The following CCNB2 variants were observed in gnomAD, a reference collection of about 807,000 sequenced individuals.
The protein encoded by CCNB2 is cyclin B2.
A neutral mutation model predicts 51.1 loss-of-function variants in CCNB2; 39 were observed. The observed-to-expected ratio is 0.76, with a 90% CI of 0.59 to 1.00. The LOEUF (loss-of-function observed/expected upper bound fraction) is 1.00. Ranked by LOEUF, CCNB2 falls within the 50% of genes least tolerant of loss-of-function variation. The probability of loss-of-function intolerance (pLI) is 0.00; values close to 1 mark genes in which losing one functional copy is unlikely to be tolerated. For missense variants in CCNB2, 472 were observed against 470.3 expected (o/e 1.00, Z -0.03); for synonymous variants, 174 against 165.5 (o/e 1.05, Z -0.40).
intron 3 of CCNB2, among the ~76,000 whole-genome samples, chr15:59,109,174 C>T (rs1328639481): frequency 6.6e-6 from 1 of 152,144 alleles, no homozygotes; most frequent in Non-Finnish European, 1.5e-5. Flanking sequence ...TCTCAGCCTC[C>T]CGAGTAGCTG....
intron 7 of CCNB2, among the ~76,000 whole-genome samples, chr15:59,117,883 G>T (rs531077499): frequency 6.6e-6 from 1 of 152,164 alleles, no homozygotes; most frequent in Admixed American, 6.5e-5. Context: ...GATCATTTGA[G>T]CCCAGGCCCA....
At chr15:59,119,312 T>C (rs2079292295) in intron 7 of CCNB2, among the ~76,000 whole-genome samples, 1 of 151,614 alleles carries the variant, frequency 6.6e-6, no homozygotes, top group Non-Finnish European at 1.5e-5. Flanking sequence ...AATTAAAAAA[T>C]TAGCTGGGTA....
At position 59,124,793 on chromosome 15, in the gene CCNB2, C is replaced by G. The variant is rs2079318196; in HGVS notation, c.1113C>G (p.Ser371Arg). ...FIAIKNKYAS[S>R]KLLKISMIPQ... ...CCATCAAGAATAAGTATGCAAGCAGCAAACTCCTGAAGATCAGCATGATCC... is the reference window on the plus strand; with the variant it reads ...CCATCAAGAATAAGTATGCAAGCAGGAAACTCCTGAAGATCAGCATGATCC... Residue 371 changes from serine to arginine, a missense_variant, in exon 9 of 9, where the codon AGC becomes AGG. Physicochemically the swap from Ser to Arg is moderately radical, Grantham distance 110. Transcript: ENST00000288207. The G allele has an allele frequency of 6.2e-7, 1 of 1,613,672 alleles. No homozygotes were observed. Among genetic ancestry groups the G allele is most frequent in the East Asian group, 2.2e-5 (1 of 44,872 alleles).
chr15:59,117,850 T>G (rs1325362639), intron 7 of CCNB2, among the ~76,000 whole-genome samples: 1 of 152,166 alleles, frequency 6.6e-6, no homozygotes, highest in Non-Finnish European at 1.5e-5. Flanking sequence ...TAGTTCTAGC[T>G]ACTTGGGAGG....
chr15:59,118,807 G>A (rs1490355054), intron 7 of CCNB2, among the ~76,000 whole-genome samples: 1 of 152,240 alleles, frequency 6.6e-6, no homozygotes, highest in Non-Finnish European at 1.5e-5. Context: ...TTTTCAGGAG[G>A]ATCACAAAGC....
At chr15:59,109,278 C>T (rs1165680727) in intron 3 of CCNB2, among the ~76,000 whole-genome samples, 2 of 152,138 alleles carry the variant, frequency 1.3e-5, no homozygotes, top group African/African-American at 2.4e-5. Flanking sequence ...CACCTGCCCC[C>T]GCCCCTCAAA....
At chr15:59,114,903 C>G (rs1357167865) in intron 5 of CCNB2, 27 bp downstream of exon 5, 2 of 1,590,520 alleles carry the variant, frequency 1.3e-6, no homozygotes, top group Non-Finnish European at 1.7e-6. Context: ...GGACTTCACG[C>G]CAGTGGCTCA....
chr15:59,123,856 T>G, intron 8 of CCNB2: 1 of 437,950 alleles, frequency 2.3e-6, no homozygotes, highest in African/African-American at 2.0e-5. Flanking sequence ...AGGCTAGCCA[T>G]GTCCAGGCCC....
intron 5 of CCNB2, 120 bp downstream of exon 5, chr15:59,114,996 G>C: frequency 9.2e-7 from 1 of 1,088,988 alleles, no homozygotes; most frequent in Middle Eastern, 3.3e-4. Flanking sequence ...ATTGTGAGAA[G>C]CCAAAGAACT....
intron 7 of CCNB2, among the ~76,000 whole-genome samples, chr15:59,120,162 G>A (rs1172293826): frequency 6.6e-6 from 1 of 152,180 alleles, no homozygotes; most frequent in East Asian, 1.9e-4. Context: ...GTAGTAGTGA[G>A]CATATTTAGT....
At chr15:59,108,800 G>C (rs2079246116) in intron 3 of CCNB2, among the ~76,000 whole-genome samples, 1 of 152,208 alleles carries the variant, frequency 6.6e-6, no homozygotes, top group Non-Finnish European at 1.5e-5. Flanking sequence ...AGATTTGTCA[G>C]CTTTCTTCAC....
At chr15:59,111,120 G>C (rs2079255770) in intron 3 of CCNB2, among the ~76,000 whole-genome samples, 1 of 152,236 alleles carries the variant, frequency 6.6e-6, no homozygotes, top group Non-Finnish European at 1.5e-5. Flanking sequence ...AATTATGTTG[G>C]AGTTCAAAAT....
rs1378432143 is a variant in CCNB2, at chr15:59,107,681, C to G, written c.267+11C>G. 6.2e-7 allele frequency: 1 copy of G among 1,606,278 alleles called. No homozygotes were observed. The highest frequency in any genetic ancestry group is 8.5e-7 in the Non-Finnish European group (1 of 1,173,658). On this transcript the variant is annotated intron_variant, in intron 3 of 8. Transcript: ENST00000288207. ...AAGTTGGCTCCAAAGGTAGGAAGTT[C>G]TGAATTTACAAACGTATTTAATGAG...
chr15:59,119,852 A>G (rs1716227024), intron 7 of CCNB2, among the ~76,000 whole-genome samples: 1 of 152,074 alleles, frequency 6.6e-6, no homozygotes, highest in South Asian at 2.1e-4. Flanking sequence ...GGACCCAGCC[A>G]CACGCCATCA....
intron 3 of CCNB2, among the ~76,000 whole-genome samples, chr15:59,111,067 T>C (rs1235918479): frequency 6.6e-6 from 1 of 152,242 alleles, no homozygotes; most frequent in African/African-American, 2.4e-5. Flanking sequence ...ACAGATTACC[T>C]GACCAGATGA....
chr15:59,105,366 G>T, intron 1 of CCNB2, 74 bp downstream of exon 1: 2 of 1,477,022 alleles, frequency 1.4e-6, no homozygotes. Flanking sequence ...TCTCTCATCT[G>T]CTCCGAGCTT....
At chr15:59,109,073 C>T (rs554918263) in intron 3 of CCNB2, among the ~76,000 whole-genome samples, 9 of 152,232 alleles carry the variant, frequency 5.9e-5, no homozygotes. Flanking sequence ...TGGGGGGGGA[C>T]GGAGTCTTGC....
intron 5 of CCNB2, chr15:59,116,230 C>G (rs1291609516): frequency 6.4e-6 from 1 of 156,152 alleles, no homozygotes. Flanking sequence ...ATTAAATTCT[C>G]ACTTTTTTCT....
Position 59,116,943 on chromosome 15 carries a change from C to T in CCNB2, c.834+17C>T, listed in dbSNP as rs1180972170. The T allele has an allele frequency of 2.5e-6, 4 of 1,576,254 alleles. No individual in the cohort carries two copies. The highest frequency in any genetic ancestry group is 3.5e-6 in the Non-Finnish European group (4 of 1,149,872). ...GCCGGGGAGGTAAGTGCCTCCAGCT[C>T]TGTAAGAGACTATTTTTGCTTGGTG... On this transcript the variant is annotated intron_variant, in intron 6 of 8. Transcript: ENST00000288207.
Sources: allele counts gnomAD v4.1 joint callset (sites outside exome capture counted in the v4.1 genomes callset), GRCh38; gene constraint gnomAD v4.1.1; transcripts MANE v1.5; gene names NCBI Gene and HGNC (gene_info 2026-07-23, HGNC 2026-07-21).